The following PCDH7 variants were observed in gnomAD, a reference collection of about 807,000 sequenced individuals.
The protein encoded by PCDH7 is protocadherin 7, also known as protocadherin-7.
Under a neutral mutation model 58.9 loss-of-function variants are expected in PCDH7, and 17 were observed. That is an observed-to-expected ratio of 0.29 (90% CI 0.20 to 0.43). PCDH7 has a LOEUF of 0.43. Among genes scored for constraint, PCDH7 ranks in the 20% least tolerant of loss-of-function variants. The pLI is 1.00. For synonymous variants in PCDH7, 664 were observed against 616.4 expected (o/e 1.08, Z -1.14); for missense variants, 1,274 against 1,441.0 (o/e 0.88, Z 1.88).
At chr4:30,864,571 T>C (rs933101701) in intron 1 of PCDH7, among the ~76,000 whole-genome samples, 1 of 152,040 alleles carries the variant, frequency 6.6e-6, no homozygotes, top group African/African-American at 2.4e-5. Flanking sequence ...ATATACTACA[T>C]TTACATGGAT....
intron 2 of PCDH7, among the ~76,000 whole-genome samples, chr4:30,940,274 T>C (rs1663675331): frequency 1.3e-5 from 2 of 152,132 alleles, no homozygotes; most frequent in South Asian, 4.1e-4. Context: ...ATTATCACAC[T>C]TTCTGAACTG....
chr4:31,067,286 A>G (rs1358976074), intron 3 of PCDH7, among the ~76,000 whole-genome samples: 1 of 150,908 alleles, frequency 6.6e-6, no homozygotes, highest in Non-Finnish European at 1.5e-5. Flanking sequence ...TTTGGGAACC[A>G]CTGTTCCAGG....
intron 1 of PCDH7, among the ~76,000 whole-genome samples, chr4:30,868,568 T>C (rs1735161668): frequency 6.6e-6 from 1 of 152,068 alleles, no homozygotes; most frequent in Admixed American, 6.6e-5. Flanking sequence ...TTTTTTTCTT[T>C]TTTTTCTACT....
At chr4:31,016,997 C>A (rs538005939) in intron 3 of PCDH7, among the ~76,000 whole-genome samples, 27 of 139,222 alleles carry the variant, frequency 1.9e-4, no homozygotes, top group African/African-American at 7.0e-4. Context: ...GTTGGGTATT[C>A]TTCTTGTTTA....
intron 1 of PCDH7, among the ~76,000 whole-genome samples, chr4:30,846,704 C>T (rs908878772): frequency 2.0e-5 from 3 of 151,968 alleles, no homozygotes; most frequent in Admixed American, 6.6e-5. Context: ...AAAAGAATTG[C>T]CTGTTGAGAA....
Position 31,116,512 on chromosome 4 carries a change from G to A in PCDH7, c.*8-25961G>A, listed in dbSNP as rs80134862. 9.1e-3 allele frequency among the ~76,000 whole-genome samples: 1,382 copies of A among 152,138 alleles called. 16 individuals carry two copies. Among genetic ancestry groups the A allele is most frequent in the Non-Finnish European group, 0.012 (847 of 67,996 alleles). On this transcript the variant is annotated intron_variant, in intron 3 of 3. Coordinates refer to the PCDH7 transcript ENST00000509759. ...TCTTGATCACTGTGGTGGCATTTTC[G>A]GTGGCACTGGCACCATTGTTTGCGC...
intron 3 of PCDH7, among the ~76,000 whole-genome samples, chr4:31,040,281 C>A (rs574099245): frequency 6.6e-6 from 1 of 152,280 alleles, no homozygotes; most frequent in Non-Finnish European, 1.5e-5. Context: ...TCTTCCCTGA[C>A]TCATCTGGGA....
At chr4:30,892,282 C>G (rs1313059306) in intron 1 of PCDH7, among the ~76,000 whole-genome samples, 1 of 151,962 alleles carries the variant, frequency 6.6e-6, no homozygotes, top group African/African-American at 2.4e-5. Context: ...TGAAGCACCT[C>G]TCTATAAATA....
chr4:30,965,265 C>T (rs1748900327), intron 3 of PCDH7, among the ~76,000 whole-genome samples: 1 of 152,010 alleles, frequency 6.6e-6, no homozygotes, highest in Admixed American at 6.6e-5. Flanking sequence ...TCCTGACTCA[C>T]AACTGGGAGA....
chr4:30,911,175 G>GGGA (rs1741699741), intron 1 of PCDH7, among the ~76,000 whole-genome samples: 1 of 152,090 alleles, frequency 6.6e-6, no homozygotes, highest in African/African-American at 2.4e-5. Context: ...TGGGGGCAAG[G>GGGA]GGAGGGAGAG....
At chr4:31,113,224 G>A (rs1716547475) in intron 3 of PCDH7, among the ~76,000 whole-genome samples, 1 of 151,936 alleles carries the variant, frequency 6.6e-6, no homozygotes, top group Non-Finnish European at 1.5e-5. Flanking sequence ...ACCTGTCATT[G>A]CCCATAATAA....
Position 30,758,513 on chromosome 4 carries a change from A to G in PCDH7, c.70+33917A>G, listed in dbSNP as rs185700171. ...AGTTTGTAACAATAGCTTTGAAAAG[A>G]GCATCGAAGGCTCTTGATATTGTGG... is the stretch of plus-strand genomic sequence containing the variant. On this transcript the variant is annotated intron_variant, in intron 1 of 3. Transcript: ENST00000509759. Among the ~76,000 whole-genome samples the G allele has an allele frequency of 6.6e-5, 10 of 152,348 alleles. 1 individual carries two copies. In the South Asian group the frequency reaches 1.2e-3, roughly 19 times the overall value.
rs1412024264 is a variant in PCDH7, at chr4:31,097,616, ATATATATATATATATATAT to A, written c.*8-44856_*8-44838del. On this transcript the variant is annotated intron_variant, in intron 3 of 3. Coordinates refer to the PCDH7 transcript ENST00000509759. The stretch of plus-strand genomic sequence containing the variant: ...TATATATATATATATATATATATAT[ATATATATATATATATATAT>A]ATAAATCTTTTTTCTGTAATTTCTG... Among the ~76,000 whole-genome samples, 117 of 36,858 alleles carry A rather than the reference ATATATATATATATATATAT, an allele frequency of 3.2e-3. 6 individuals are homozygous for A. The highest frequency in any genetic ancestry group is 0.017 in the Middle Eastern group (1 of 60). 24.2% of individuals were successfully genotyped at this position (36,858 alleles called of 152,430 possible).
At chr4:30,804,330 G>T (rs535449181) in intron 1 of PCDH7, among the ~76,000 whole-genome samples, 22 of 152,210 alleles carry the variant, frequency 1.4e-4, no homozygotes, top group African/African-American at 5.1e-4. Context: ...CATGAGGTCA[G>T]GAGATTGAGA....
chr4:31,050,023 A>T (rs1756610105), intron 3 of PCDH7, among the ~76,000 whole-genome samples: 1 of 152,060 alleles, frequency 6.6e-6, no homozygotes, highest in South Asian at 2.1e-4. Flanking sequence ...ACAAATGTCT[A>T]CTTTATTGGT....
intron 1 of PCDH7, among the ~76,000 whole-genome samples, chr4:30,839,545 C>T (rs1336169580): frequency 6.6e-6 from 1 of 151,940 alleles, no homozygotes; most frequent in Non-Finnish European, 1.5e-5. Flanking sequence ...TATTTTTTGC[C>T]ATAGAACCTG....
At chr4:30,896,717 T>C (rs548980619) in intron 1 of PCDH7, among the ~76,000 whole-genome samples, 1 of 152,028 alleles carries the variant, frequency 6.6e-6, no homozygotes, top group South Asian at 2.1e-4. Context: ...ATTTACTATA[T>C]CTTGTACTAA....
intron 3 of PCDH7, chr4:30,987,563 T>G (rs1293769003): frequency 6.6e-6 from 1 of 152,090 alleles, no homozygotes; most frequent in Non-Finnish European, 1.5e-5. Context: ...CTCACCTGTA[T>G]TCTCTGCTTC....
chr4:31,112,604 C>A (rs1716468591), intron 3 of PCDH7, among the ~76,000 whole-genome samples: 1 of 152,064 alleles, frequency 6.6e-6, no homozygotes, highest in Non-Finnish European at 1.5e-5. Flanking sequence ...ATCCAAGAAG[C>A]AAAGCCTCTC....
Sources: gnomAD v4.1 joint callset for allele counts (sites outside exome capture counted in the v4.1 genomes callset) on GRCh38, gnomAD v4.1.1 for gene constraint, MANE v1.5 for transcripts, NCBI Gene and HGNC (gene_info 2026-07-23, HGNC 2026-07-21) for gene names.